The following DPP10 variants were observed in gnomAD, a reference collection of about 807,000 sequenced individuals.
The protein encoded by DPP10 is inactive dipeptidyl peptidase 10.
A neutral mutation model predicts 120.9 loss-of-function variants in DPP10; 33 were observed. The ratio of observed to expected loss-of-function variants is 0.27; its 90% CI spans 0.21 to 0.37. The LOEUF (loss-of-function observed/expected upper bound fraction) is 0.37, where lower values mean the gene tolerates loss of function less well. Among genes scored for constraint, DPP10 ranks in the 10% least tolerant of loss-of-function variants. The probability of loss-of-function intolerance (pLI) is 1.00; values close to 1 mark genes in which losing one functional copy is unlikely to be tolerated. For missense variants in DPP10, 816 were observed against 942.8 expected (o/e 0.87, Z 1.76); for synonymous variants, 337 against 326.1 (o/e 1.03, Z -0.36).
At chr2:115,064,613 T>C (rs1394916963) in intron 1 of DPP10, 4 of 1,241,860 alleles carry the variant, frequency 3.2e-6, no homozygotes, top group Non-Finnish European at 4.2e-6. Flanking sequence ...CTGACGTAGA[T>C]TCTTTGCTTC....
intron 4 of DPP10, among the ~76,000 whole-genome samples, chr2:115,524,758 T>G (rs1449139248): frequency 6.6e-6 from 1 of 152,132 alleles, no homozygotes; most frequent in East Asian, 1.9e-4. Context: ...GCAGTCGCAT[T>G]AGCATGAAAT....
chr2:114,618,333 G>A (rs1173858818), intron 1 of DPP10, among the ~76,000 whole-genome samples: 1 of 151,976 alleles, frequency 6.6e-6, no homozygotes, highest in Non-Finnish European at 1.5e-5. Context: ...TTTCAATACA[G>A]CAATTAATTA....
intron 19 of DPP10, among the ~76,000 whole-genome samples, chr2:115,805,881 G>C: frequency 6.6e-6 from 1 of 152,092 alleles, no homozygotes; most frequent in East Asian, 2.0e-4. Context: ...GGCACTTCCT[G>C]TGCTTTCATA....
intron 1 of DPP10, among the ~76,000 whole-genome samples, chr2:115,000,633 C>T (rs918766206): frequency 6.6e-6 from 1 of 152,152 alleles, no homozygotes; most frequent in African/African-American, 2.4e-5. Flanking sequence ...AGTAGCTCTT[C>T]ATTTCTGTTT....
At chr2:115,133,145 G>GTGTGTGTATATATATATA (rs1338395575) in intron 1 of DPP10, among the ~76,000 whole-genome samples, 2 of 28,772 alleles carry the variant, frequency 7.0e-5, no homozygotes, top group African/African-American at 2.5e-4. Flanking sequence ...GTGTGTGTGT[G>GTGTGTGTATATATATATA]TATATATATA....
At chr2:114,618,414 T>C (rs1309712059) in intron 1 of DPP10, among the ~76,000 whole-genome samples, 1 of 152,012 alleles carries the variant, frequency 6.6e-6, no homozygotes, top group Non-Finnish European at 1.5e-5. Context: ...AGGTTTTTCC[T>C]GAAAGAGATG....
intron 1 of DPP10, among the ~76,000 whole-genome samples, chr2:114,614,737 TTTG>T (rs1693552479): frequency 1.3e-5 from 2 of 152,216 alleles, no homozygotes; most frequent in African/African-American, 4.8e-5. Context: ...TGTATACACA[TTTG>T]TTGTTTGTTT....
intron 1 of DPP10, among the ~76,000 whole-genome samples, chr2:115,247,126 A>AT (rs1156311665): frequency 6.6e-6 from 1 of 152,174 alleles, no homozygotes; most frequent in Non-Finnish European, 1.5e-5. Context: ...AGAGGAAGAC[A>AT]TTTTTGTATT....
At chr2:115,442,363 T>G (rs199963405) in intron 3 of DPP10, among the ~76,000 whole-genome samples, 2 of 147,260 alleles carry the variant, frequency 1.4e-5, no homozygotes, top group East Asian at 2.0e-4. Context: ...GTGTGTGTGT[T>G]TGTGTGTGTG....
At chr2:114,511,890 T>C (rs1684178177) in intron 1 of DPP10, among the ~76,000 whole-genome samples, 2 of 152,224 alleles carry the variant, frequency 1.3e-5, no homozygotes. Context: ...TTCAAATTGC[T>C]TCTTGTCCTG....
intron 1 of DPP10, among the ~76,000 whole-genome samples, chr2:115,166,465 C>G (rs1391237306): frequency 8.1e-6 from 1 of 122,890 alleles, no homozygotes. Flanking sequence ...ATTTCCTACT[C>G]TCCCTGAATT....
chr2:114,786,408 G>C lies in DPP10; in HGVS notation c.60+343570G>C, dbSNP rs961142759. Among the ~76,000 whole-genome samples, 7 of 152,308 alleles carry C rather than the reference G, an allele frequency of 4.6e-5. No homozygotes were observed. In the East Asian group the frequency reaches 1.3e-3, roughly 29 times the overall value. ...TGGAGAAACATTGCTCTGCCTCAGTGATTTTCGAGAAGCGAGAGAAAGGTG... is the reference window on the plus strand; with the variant it reads ...TGGAGAAACATTGCTCTGCCTCAGTCATTTTCGAGAAGCGAGAGAAAGGTG... On this transcript the variant is annotated intron_variant, in intron 1 of 25. Transcript: ENST00000410059.
chr2:115,484,698 C>T (rs769596423), intron 3 of DPP10, among the ~76,000 whole-genome samples: 13 of 152,060 alleles, frequency 8.5e-5, no homozygotes, highest in Non-Finnish European at 1.5e-4. Context: ...AGTCATGCCC[C>T]TGATGACAAC....
intron 3 of DPP10, among the ~76,000 whole-genome samples, chr2:115,374,961 A>G (rs6542259): frequency 0.68 from 103,105 of 151,980 alleles, 35,279 homozygotes; most frequent in Admixed American, 0.75. Flanking sequence ...AAGATCTCTG[A>G]CATGCCCTGA....
intron 17 of DPP10, among the ~76,000 whole-genome samples, chr2:115,784,532 T>C (rs1183186814): frequency 6.6e-6 from 1 of 152,084 alleles, no homozygotes; most frequent in Non-Finnish European, 1.5e-5. Flanking sequence ...TAGTCAAAAC[T>C]TATTTCTTTT....
intron 1 of DPP10, among the ~76,000 whole-genome samples, chr2:114,568,826 C>T (rs1689410676): frequency 6.6e-6 from 1 of 152,156 alleles, no homozygotes; most frequent in African/African-American, 2.4e-5. Flanking sequence ...TCTACCTATT[C>T]TTACATGTTT....
chr2:114,935,134 C>T (rs945710157), intron 1 of DPP10, among the ~76,000 whole-genome samples: 4 of 152,212 alleles, frequency 2.6e-5, no homozygotes, highest in South Asian at 2.1e-4. Context: ...AGGACAACCC[C>T]GCTGCTTCCC....
At chr2:114,898,529 G>A (rs1260900179) in intron 1 of DPP10, among the ~76,000 whole-genome samples, 1 of 151,966 alleles carries the variant, frequency 6.6e-6, no homozygotes, top group Non-Finnish European at 1.5e-5. Flanking sequence ...AATAAAGGTG[G>A]TAGGAAATAA....
At chr2:114,697,639 A>G (rs1318887851) in intron 1 of DPP10, among the ~76,000 whole-genome samples, 3 of 151,746 alleles carry the variant, frequency 2.0e-5, no homozygotes, top group African/African-American at 4.8e-5. Flanking sequence ...AATCCCAGCT[A>G]CTTGAGAGGC....
Sources: allele counts gnomAD v4.1 joint callset (sites outside exome capture counted in the v4.1 genomes callset), GRCh38; gene constraint gnomAD v4.1.1; transcripts MANE v1.5; gene names NCBI Gene and HGNC (gene_info 2026-07-23, HGNC 2026-07-21).